Variants in PTPRM observed in about 807,000 individuals in gnomAD.
The protein encoded by PTPRM is receptor-type tyrosine-protein phosphatase mu.
PTPRM carries 47 observed loss-of-function variants against 186.7 expected under a neutral mutation model. The ratio of observed to expected loss-of-function variants is 0.25; its 90% CI spans 0.20 to 0.32. PTPRM has a LOEUF of 0.32. PTPRM is among the 10% of genes least tolerant of loss of function. PTPRM has a pLI of 1.00. For missense variants in PTPRM, 1,494 were observed against 1,865.0 expected, an observed-to-expected ratio of 0.80 and a Z score of 3.66; for synonymous variants, 668 against 674.9, an observed-to-expected ratio of 0.99 and a Z score of 0.16.
chr18:8,099,310 G>T (rs1170067252), intron 11 of PTPRM, among the ~76,000 whole-genome samples: 1 of 152,144 alleles, frequency 6.6e-6, no homozygotes, highest in Non-Finnish European at 1.5e-5. Context: ...TGCACTGGCT[G>T]GTGACCGCTT....
intron 20 of PTPRM, among the ~76,000 whole-genome samples, chr18:8,306,558 C>A (rs1335461547): frequency 6.6e-6 from 1 of 152,182 alleles, no homozygotes; most frequent in East Asian, 1.9e-4. Flanking sequence ...CCAGAAATAC[C>A]AAGTCCTCAT....
intron 5 of PTPRM, among the ~76,000 whole-genome samples, chr18:7,940,377 G>T (rs1043047203): frequency 3.9e-5 from 6 of 152,200 alleles, no homozygotes; most frequent in Non-Finnish European, 7.3e-5. Flanking sequence ...TTAGGAAGGG[G>T]TCAGTGGCAC....
chr18:7,651,442 A>G (rs2038701202), intron 1 of PTPRM, among the ~76,000 whole-genome samples: 1 of 152,214 alleles, frequency 6.6e-6, no homozygotes, highest in South Asian at 2.1e-4. Flanking sequence ...CCGCATCGCC[A>G]AGTCAATCCT....
intron 5 of PTPRM, among the ~76,000 whole-genome samples, 180 bp from the exon 6 acceptor site, chr18:7,949,001 C>T (rs1000195467): frequency 6.6e-6 from 1 of 152,172 alleles, no homozygotes; most frequent in South Asian, 2.1e-4. Flanking sequence ...AGGTGTTGAT[C>T]ATGGCAGAAT....
intron 7 of PTPRM, among the ~76,000 whole-genome samples, chr18:7,962,551 G>GGA (rs1474943465): frequency 1.3e-5 from 2 of 152,130 alleles, no homozygotes; most frequent in Non-Finnish European, 2.9e-5. Flanking sequence ...TGGTAACACT[G>GGA]GAGTGATTCG....
chr18:7,648,613 C>G (rs1445924579), intron 1 of PTPRM, among the ~76,000 whole-genome samples: 1 of 152,134 alleles, frequency 6.6e-6, no homozygotes, highest in African/African-American at 2.4e-5. Context: ...TTTGAGTGGT[C>G]TGAATAGAAG....
At chr18:7,695,193 A>G (rs1353236478) in intron 1 of PTPRM, among the ~76,000 whole-genome samples, 3 of 152,202 alleles carry the variant, frequency 2.0e-5, no homozygotes, top group African/African-American at 4.8e-5. Flanking sequence ...TGCCAGTAAA[A>G]TCACTTATCA....
chr18:7,885,367 G>T (rs997030592), intron 2 of PTPRM, among the ~76,000 whole-genome samples: 5 of 152,150 alleles, frequency 3.3e-5, no homozygotes, highest in African/African-American at 1.2e-4. Flanking sequence ...AAAGAGGAAT[G>T]AAACCACCAA....
intron 7 of PTPRM, among the ~76,000 whole-genome samples, chr18:8,045,925 G>A (rs1215094822): frequency 2.6e-5 from 4 of 152,052 alleles, no homozygotes; most frequent in South Asian, 4.1e-4. Context: ...TTCTTCAGTC[G>A]CATATGTCAG....
At chr18:7,708,995 G>C (rs1320172616) in intron 1 of PTPRM, among the ~76,000 whole-genome samples, 1 of 152,008 alleles carries the variant, frequency 6.6e-6, no homozygotes, top group African/African-American at 2.4e-5. Flanking sequence ...TCTTTTTATA[G>C]ATGCTGAAAA....
intron 19 of PTPRM, among the ~76,000 whole-genome samples, chr18:8,258,565 AT>A (rs1037097958): frequency 8.6e-5 from 13 of 151,756 alleles, no homozygotes; most frequent in African/African-American, 2.4e-4. Flanking sequence ...TGGCTCGATT[AT>A]TTTTTTTATG....
At chr18:8,008,099 G>C (rs763847085) in intron 7 of PTPRM, among the ~76,000 whole-genome samples, 9 of 152,092 alleles carry the variant, frequency 5.9e-5, no homozygotes, top group Non-Finnish European at 8.8e-5. Context: ...TTGCACTTTG[G>C]CTATTGTGTG....
chr18:7,926,287 C>T (rs2051168831), intron 4 of PTPRM, among the ~76,000 whole-genome samples: 1 of 152,108 alleles, frequency 6.6e-6, no homozygotes, highest in South Asian at 2.1e-4. Context: ...GACTGCCGAG[C>T]TATGATAATT....
At chr18:8,126,002 TATATATATATA>T (rs1353533354) in intron 13 of PTPRM, among the ~76,000 whole-genome samples, 40 of 18,052 alleles carry the variant, frequency 2.2e-3, no homozygotes, top group African/African-American at 4.4e-3. Flanking sequence ...TATATATATA[TATATATATATA>T]TATATATATA....
chr18:8,181,655 G>A (rs560034226), intron 14 of PTPRM, among the ~76,000 whole-genome samples: 4 of 152,258 alleles, frequency 2.6e-5, no homozygotes, highest in South Asian at 2.1e-4. Flanking sequence ...GAGTAAAATC[G>A]TTTTGTGAAC....
chr18:7,699,130 G>A (rs2039905586), intron 1 of PTPRM, among the ~76,000 whole-genome samples: 1 of 152,124 alleles, frequency 6.6e-6, no homozygotes, highest in Non-Finnish European at 1.5e-5. Flanking sequence ...GCATATGAGG[G>A]ATCTAAGTTG....
chr18:8,240,137 G>A (rs1309533955), intron 14 of PTPRM, among the ~76,000 whole-genome samples: 2 of 152,030 alleles, frequency 1.3e-5, no homozygotes, highest in South Asian at 4.1e-4. Context: ...AAAAGAGGGA[G>A]AAAGAAAAAG....
intron 1 of PTPRM, among the ~76,000 whole-genome samples, chr18:7,651,514 A>G (rs997447332): frequency 6.6e-6 from 1 of 152,186 alleles, no homozygotes; most frequent in Non-Finnish European, 1.5e-5. Context: ...CTACAAGGCT[A>G]CAGTAACCAA....
intron 17 of PTPRM, chr18:8,251,845 C>A (rs970335202): frequency 3.9e-5 from 6 of 152,238 alleles, no homozygotes; most frequent in African/African-American, 1.4e-4. Flanking sequence ...TATTGATATA[C>A]AATCTGGTAA....
Sources: allele counts gnomAD v4.1 joint callset (sites outside exome capture counted in the v4.1 genomes callset), GRCh38; gene constraint gnomAD v4.1.1; transcripts MANE v1.5; gene names NCBI Gene and HGNC (gene_info 2026-07-23, HGNC 2026-07-21).